SLC14A2: variants seen among roughly 807,000 people sequenced by gnomAD.
The protein encoded by SLC14A2 is urea transporter 2.
A neutral mutation model predicts 104.6 loss-of-function variants in SLC14A2; 91 were observed. The observed-to-expected ratio is 0.87, with a 90% CI of 0.73 to 1.04. The LOEUF (loss-of-function observed/expected upper bound fraction) is 1.04. SLC14A2 is among the 50% of genes least tolerant of loss of function. SLC14A2 has a pLI of 0.00. For missense variants in SLC14A2, 1,189 were observed against 1,156.0 expected (o/e 1.03, Z -0.41); for synonymous variants, 476 against 466.4 (o/e 1.02, Z -0.27).
intron 16 of SLC14A2, among the ~76,000 whole-genome samples, chr18:45,670,104 C>T (rs2046104236): frequency 6.6e-6 from 1 of 152,134 alleles, no homozygotes; most frequent in South Asian, 2.1e-4. Context: ...CTCCATGAGA[C>T]TCTATCTCCA....
intron 2 of SLC14A2, among the ~76,000 whole-genome samples, chr18:45,521,827 T>C (rs1257420171): frequency 6.6e-6 from 1 of 152,068 alleles, no homozygotes; most frequent in Admixed American, 6.6e-5. Flanking sequence ...CAAGTGATTC[T>C]GGGACTCAAG....
At chr18:45,503,773 C>T (rs1178895107) in intron 2 of SLC14A2, among the ~76,000 whole-genome samples, 1 of 152,230 alleles carries the variant, frequency 6.6e-6, no homozygotes, top group Non-Finnish European at 1.5e-5. Context: ...CAATACCTCA[C>T]CTGCTGATCT....
chr18:45,597,336 A>G (rs1446178984), intron 2 of SLC14A2, among the ~76,000 whole-genome samples: 1 of 151,942 alleles, frequency 6.6e-6, no homozygotes, highest in East Asian at 1.9e-4. Context: ...TCAAAAAAAA[A>G]AGAAAGAAAG....
chr18:45,432,946 A>G (rs1040804374), intron 1 of SLC14A2, among the ~76,000 whole-genome samples: 1 of 152,186 alleles, frequency 6.6e-6, no homozygotes, highest in Non-Finnish European at 1.5e-5. Context: ...GGTAAATGAG[A>G]GCCCAAAGGC....
intron 6 of SLC14A2, 127 bp from the exon 7 acceptor site, chr18:45,639,619 T>A (rs1478583656): frequency 1.2e-6 from 1 of 849,438 alleles, no homozygotes; most frequent in African/African-American, 1.7e-5. Context: ...TCTCACATGC[T>A]GGAGGGTACA....
At chr18:45,242,976 C>T (rs1487483069) in intron 1 of SLC14A2, among the ~76,000 whole-genome samples, 3 of 152,182 alleles carry the variant, frequency 2.0e-5, no homozygotes, top group African/African-American at 4.8e-5. Context: ...AATGAGATAG[C>T]CATTCCTTTA....
intron 11 of SLC14A2, 114 bp downstream of exon 11, chr18:45,664,021 C>G: frequency 1.8e-6 from 2 of 1,122,590 alleles, no homozygotes; most frequent in South Asian, 3.2e-5. Flanking sequence ...TGGAGTCAGA[C>G]TTGACCTCTC....
intron 5 of SLC14A2, chr18:45,634,808 C>T (rs765383099): frequency 2.2e-6 from 1 of 456,990 alleles, no homozygotes; most frequent in Non-Finnish European, 4.4e-6. Context: ...CTAAACAAAT[C>T]ACTCTGTTTG....
intron 1 of SLC14A2, among the ~76,000 whole-genome samples, chr18:45,394,427 G>A (rs2086006445): frequency 6.6e-6 from 1 of 152,134 alleles, no homozygotes. Context: ...AAATATATAT[G>A]AAATTTGTAG....
Position 45,639,800 on chromosome 18 carries a change from T to G in SLC14A2, c.898T>G (p.Trp300Gly). 6.2e-7 allele frequency: 1 copy of G among 1,614,060 alleles called. No individual in the cohort carries two copies. The highest frequency in any genetic ancestry group is 8.5e-7 in the Non-Finnish European group (1 of 1,180,020). Residue 300 changes from tryptophan (W) to glycine (G), a missense_variant, in exon 7 of 20, where the codon TGG becomes GGG. Transcript: ENST00000255226. ...VGQVYGCDNP[W>G]TGGVFLVALF... ...CCAGGTGTATGGCTGTGACAATCCC[T>G]GGACAGGCGGCGTGTTCCTGGTGGC... is the stretch of plus-strand genomic sequence containing the variant.
intron 2 of SLC14A2, among the ~76,000 whole-genome samples, chr18:45,606,443 C>T (rs746429044): frequency 3.3e-5 from 5 of 152,016 alleles, no homozygotes; most frequent in Non-Finnish European, 5.9e-5. Context: ...CCTGGAACTC[C>T]GCAAAACTGA....
intron 1 of SLC14A2, among the ~76,000 whole-genome samples, chr18:45,392,324 A>G (rs1421201): frequency 0.5 from 75,870 of 151,898 alleles, 19,077 homozygotes; most frequent in South Asian, 0.67. Flanking sequence ...GATCTATGTG[A>G]GTTTTTACTG....
intron 8 of SLC14A2, 67 bp downstream of exon 8, chr18:45,641,410 A>G (rs2144555452): frequency 6.4e-7 from 1 of 1,555,840 alleles, no homozygotes; most frequent in East Asian, 2.2e-5. Context: ...TTTATGTGAA[A>G]CCCATGGGGA....
At chr18:45,320,313 C>G (rs1463762831) in intron 1 of SLC14A2, among the ~76,000 whole-genome samples, 1 of 152,052 alleles carries the variant, frequency 6.6e-6, no homozygotes, top group Non-Finnish European at 1.5e-5. Context: ...AAGCTTTGTA[C>G]CCTTTGACCC....
the SLC14A2 span, among the ~76,000 whole-genome samples, chr18:45,197,061 A>T: frequency 6.6e-6 from 1 of 152,198 alleles, no homozygotes; most frequent in Non-Finnish European, 1.5e-5. Flanking sequence ...GCGGCTCTTC[A>T]GTGTCAAAAG....
chr18:45,231,122 A>G (rs1382701224), intron 1 of SLC14A2, among the ~76,000 whole-genome samples: 1 of 152,242 alleles, frequency 6.6e-6, no homozygotes, highest in Non-Finnish European at 1.5e-5. Context: ...CAGAGAAGTT[A>G]AGTAACTTGT....
At chr18:45,292,211 T>G (rs1399181037) in intron 1 of SLC14A2, among the ~76,000 whole-genome samples, 1 of 152,212 alleles carries the variant, frequency 6.6e-6, no homozygotes, top group African/African-American at 2.4e-5. Flanking sequence ...CCTGTCAAAG[T>G]CACATTGATA....
At chr18:45,432,443 T>C (rs996785538) in intron 1 of SLC14A2, among the ~76,000 whole-genome samples, 2 of 152,116 alleles carry the variant, frequency 1.3e-5, no homozygotes, top group Non-Finnish European at 1.5e-5. Flanking sequence ...CCTAATAAGC[T>C]CCTTGCCCAT....
At chr18:45,613,736 C>A (rs989941939), upstream of SLC14A2, among the ~76,000 whole-genome samples, 7 of 152,218 alleles carry the variant, frequency 4.6e-5, no homozygotes, top group Admixed American at 3.3e-4. Flanking sequence ...GAAGAAATTT[C>A]TAAGCAGCAA....
Sources: gnomAD v4.1 joint callset for allele counts (sites outside exome capture counted in the v4.1 genomes callset) on GRCh38, gnomAD v4.1.1 for gene constraint, MANE v1.5 for transcripts, NCBI Gene and HGNC (gene_info 2026-07-23, HGNC 2026-07-21) for gene names.